Variants in RFTN2 observed in about 807,000 individuals in gnomAD.
RFTN2 encodes raftlin-2.
In RFTN2, 34 loss-of-function variants were observed where a neutral mutation model predicts 52.7. The ratio of observed to expected loss-of-function variants is 0.64; its 90% CI spans 0.49 to 0.86. The LOEUF (loss-of-function observed/expected upper bound fraction) is 0.86, where lower values mean the gene tolerates loss of function less well. Among genes scored for constraint, RFTN2 ranks in the 40% least tolerant of loss-of-function variants. The probability of loss-of-function intolerance (pLI) is 0.00; values close to 1 mark genes in which losing one functional copy is unlikely to be tolerated. For synonymous variants in RFTN2, 203 were observed against 217.7 expected (o/e 0.93, Z 0.59); for missense variants, 536 against 600.1 (o/e 0.89, Z 1.12).
intron 8 of RFTN2, among the ~76,000 whole-genome samples, chr2:197,581,771 A>G (rs1248103850): frequency 6.6e-6 from 1 of 151,792 alleles, no homozygotes; most frequent in Non-Finnish European, 1.5e-5. Context: ...TCAAACCCCA[A>G]CCCCTTCTAC....
Position 197,626,597 on chromosome 2 carries a change from TA to T in RFTN2, c.928+4413del, listed in dbSNP as rs908525862. 4.5e-4 allele frequency among the ~76,000 whole-genome samples: 30 copies of T among 66,430 alleles called. No homozygotes were observed. The South Asian group carries it at 8.4e-3, about 19-fold the overall frequency. The allele number at this position is 66,430 out of a possible 152,430, so 43.6% of individuals were successfully genotyped here. On this transcript the variant is annotated intron_variant, in intron 5 of 8. Coordinates refer to ENST00000295049, the MANE Select transcript of RFTN2 (RefSeq NM_144629.3). ...AATAAATAAATAAATAAAGTTAAAA[TA>T]AAAAAAAGGAATAATCTTCTTTTTT...
At chr2:197,618,015 A>T in intron 5 of RFTN2, 94 bp from the exon 6 acceptor site, 1 of 1,024,722 alleles carries the variant, frequency 9.8e-7, no homozygotes, top group Non-Finnish European at 1.3e-6. Context: ...AGGAAACTGA[A>T]GGAAAAACAT....
At chr2:197,634,114 A>G in intron 3 of RFTN2, 117 bp from the exon 4 acceptor site, 1 of 833,772 alleles carries the variant, frequency 1.2e-6, no homozygotes. Context: ...TAACTTGACC[A>G]GTGACAAGAC....
At chr2:197,624,354 C>T (rs566780108) in intron 5 of RFTN2, among the ~76,000 whole-genome samples, 7 of 152,036 alleles carry the variant, frequency 4.6e-5, no homozygotes, top group Non-Finnish European at 8.8e-5. Context: ...AATCCCAGCA[C>T]TTTGGGAGGC....
intron 3 of RFTN2, among the ~76,000 whole-genome samples, chr2:197,639,355 T>C (rs1006942459): frequency 6.6e-6 from 1 of 151,816 alleles, no homozygotes; most frequent in Non-Finnish European, 1.5e-5. Flanking sequence ...GGTTCCATTC[T>C]CCGCATCACT....
At chr2:197,580,949 C>T (rs1055225184) in intron 8 of RFTN2, among the ~76,000 whole-genome samples, 8 of 152,156 alleles carry the variant, frequency 5.3e-5, no homozygotes, top group Admixed American at 1.3e-4. Context: ...TGCTGCCCTT[C>T]GTCCCAACCC....
At chr2:197,617,603 C>A (rs1195019819) in intron 6 of RFTN2, among the ~76,000 whole-genome samples, 197 bp downstream of exon 6, 1 of 151,884 alleles carries the variant, frequency 6.6e-6, no homozygotes, top group African/African-American at 2.4e-5. Context: ...TCACCTGAGC[C>A]AGGGGAAGTT....
At chr2:197,633,331 G>A (rs1211676875) in intron 4 of RFTN2, among the ~76,000 whole-genome samples, 1 of 152,158 alleles carries the variant, frequency 6.6e-6, no homozygotes, top group African/African-American at 2.4e-5. Context: ...AAATGGGAAA[G>A]GCCAAAATGA....
chr2:197,602,828 G>T (rs2087900011), intron 7 of RFTN2, among the ~76,000 whole-genome samples: 1 of 152,170 alleles, frequency 6.6e-6, no homozygotes, highest in Non-Finnish European at 1.5e-5. Context: ...CAACCCAAAT[G>T]TCCAAAAATG....
At chr2:197,666,916 A>G (rs367621276) in intron 1 of RFTN2, among the ~76,000 whole-genome samples, 1 of 151,992 alleles carries the variant, frequency 6.6e-6, no homozygotes, top group African/African-American at 2.4e-5. Flanking sequence ...GATCTAGTCT[A>G]TTGTTGAAGC....
At position 197,633,724 on chromosome 2, in the gene RFTN2, C is replaced by T; in HGVS notation, c.712G>A (p.Gly238Arg). The change falls in exon 4 of 9, where the codon GGA becomes AGA. Residue 238 changes from glycine (G) to arginine (R), a missense_variant. By Grantham distance (125) the Gly-to-Arg change is moderately radical. Transcript: ENST00000295049. ...TACTAATCTTGTCTATTACCTTCTC[C>T]CTTTCTTGATTTAGAGGAAGTAGGG... ...GSPTSSKSRK[G>R]EASDNKLYTV... is the part of the protein sequence containing the mutation. 1.2e-6 allele frequency: 2 copies of T among 1,612,544 alleles called. No individual in the cohort carries two copies. The highest frequency in any genetic ancestry group is 1.7e-6 in the Non-Finnish European group (2 of 1,178,988).
intron 5 of RFTN2, among the ~76,000 whole-genome samples, chr2:197,628,949 T>C (rs2088414456): frequency 6.6e-6 from 1 of 152,240 alleles, no homozygotes; most frequent in Non-Finnish European, 1.5e-5. Context: ...CTAAAGCCCA[T>C]GTCCTTCCTA....
At position 197,572,089 on chromosome 2, in the gene RFTN2, G is replaced by T. The variant is rs770419110; in HGVS notation, c.1425C>A (p.Ser475Arg). The change falls in exon 9 of 9, where the codon AGC becomes AGA. Residue 475 changes from serine to arginine, a missense_variant. Transcript: ENST00000295049. ...ATTCCCGGAGGACGTTGTCACTGCT[G>T]CTGAACCCAGAGAAGCTGTTGTGCT... is the stretch of plus-strand genomic sequence containing the variant. Reference protein sequence around the residue: ...LAQHNSFSGFSSSDNVLRELD... With the variant: ...LAQHNSFSGFRSSDNVLRELD... 6.2e-7 allele frequency: 1 copy of T among 1,614,112 alleles called. No homozygotes were observed. Among genetic ancestry groups the T allele is most frequent in the African/African-American group, 1.3e-5 (1 of 74,946 alleles).
At chr2:197,608,416 A>AG (rs1174681497) in intron 7 of RFTN2, among the ~76,000 whole-genome samples, 2 of 148,800 alleles carry the variant, frequency 1.3e-5, no homozygotes, top group African/African-American at 5.0e-5. Context: ...GGTTCAAGTG[A>AG]TTCTCGTGCC....
intron 3 of RFTN2, among the ~76,000 whole-genome samples, chr2:197,635,071 AT>A (rs1178510132): frequency 6.6e-6 from 1 of 151,972 alleles, no homozygotes; most frequent in East Asian, 1.9e-4. Flanking sequence ...TGAACTCATC[AT>A]TTTTTATGGC....
chr2:197,635,514 T>A (rs2088551413), intron 3 of RFTN2, among the ~76,000 whole-genome samples: 3 of 151,304 alleles, frequency 2.0e-5, no homozygotes, highest in Admixed American at 2.0e-4. Context: ...TTCATGTATT[T>A]TTTGGCTGCA....
At chr2:197,605,804 T>C (rs1283978559) in intron 7 of RFTN2, among the ~76,000 whole-genome samples, 1 of 152,148 alleles carries the variant, frequency 6.6e-6, no homozygotes, top group African/African-American at 2.4e-5. Flanking sequence ...GGAAAATCAT[T>C]TACTATTCCA....
intron 8 of RFTN2, among the ~76,000 whole-genome samples, chr2:197,572,857 T>A (rs981892627): frequency 6.6e-6 from 1 of 152,086 alleles, no homozygotes; most frequent in African/African-American, 2.4e-5. Context: ...TCTTATCCCA[T>A]GAATAAGTAT....
At position 197,631,203 on chromosome 2, in the gene RFTN2, A is replaced by G. The variant is rs1353837862; in HGVS notation, c.736T>C (p.Tyr246His). The G allele has an allele frequency of 6.2e-7, 1 of 1,610,526 alleles. No individual in the cohort carries two copies. Residue 246 changes from tyrosine to histidine, a missense_variant, in exon 5 of 9, where the codon TAT becomes CAT. Coordinates refer to ENST00000295049, the MANE Select transcript of RFTN2 (RefSeq NM_144629.3). ...RKGEASDNKL[Y>H]TVFNAFDDDS... ...TCATCAAAAGCATTGAAGACTGTAT[A>G]CAATTTGTTATCTGAGGCTAGGCAT...
Sources: gnomAD v4.1 joint callset for allele counts (sites outside exome capture counted in the v4.1 genomes callset) on GRCh38, gnomAD v4.1.1 for gene constraint, MANE v1.5 for transcripts, NCBI Gene and HGNC (gene_info 2026-07-23, HGNC 2026-07-21) for gene names.